Variants in NDUFB6 observed in about 807,000 individuals in gnomAD.
NDUFB6 encodes the protein NADH dehydrogenase [ubiquinone] 1 beta subcomplex subunit 6.
In NDUFB6, 23 loss-of-function variants were observed where a neutral mutation model predicts 17.5. The observed-to-expected ratio is 1.31, with a 90% CI of 0.94 to 1.86. The LOEUF (loss-of-function observed/expected upper bound fraction) is 1.86, where lower values mean the gene tolerates loss of function less well. NDUFB6 is among the 40% of genes most tolerant of loss of function. NDUFB6 has a pLI of 0.00. For synonymous variants in NDUFB6, 60 were observed against 53.5 expected, an observed-to-expected ratio of 1.12 and a Z score of -0.53; for missense variants, 167 against 153.8, an observed-to-expected ratio of 1.09 and a Z score of -0.46.
intron 2 of NDUFB6, among the ~76,000 whole-genome samples, chr9:32,570,272 C>G (rs893389366): frequency 6.6e-6 from 1 of 152,224 alleles, no homozygotes; most frequent in Non-Finnish European, 1.5e-5. Context: ...CTGCAACCCA[C>G]TGAGGATCTA....
intron 3 of NDUFB6, among the ~76,000 whole-genome samples, chr9:32,558,490 G>T (rs902095014): frequency 6.6e-6 from 1 of 152,154 alleles, no homozygotes; most frequent in African/African-American, 2.4e-5. Flanking sequence ...TTGAAAATGA[G>T]GTACAAAGCC....
chr9:32,570,856 C>A (rs1293598827), intron 2 of NDUFB6, 104 bp downstream of exon 2: 8 of 644,458 alleles, frequency 1.2e-5, no homozygotes, highest in Non-Finnish European at 2.0e-5. Flanking sequence ...ACTTCAAAAT[C>A]TGTTTATAAG....
intron 2 of NDUFB6, among the ~76,000 whole-genome samples, chr9:32,562,107 C>T (rs1396118689): frequency 6.6e-6 from 1 of 152,226 alleles, no homozygotes; most frequent in African/African-American, 2.4e-5. Context: ...TTCTAGTCAG[C>T]TCCTCAGTCT....
intron 2 of NDUFB6, among the ~76,000 whole-genome samples, chr9:32,569,689 CTTTTT>C (rs112526069): frequency 2.7e-5 from 2 of 74,628 alleles, no homozygotes; most frequent in Non-Finnish European, 7.0e-5. Context: ...ATTTTTTTTT[CTTTTT>C]TTTTGGAAAC....
In NDUFB6 at chr9:32,569,343, C is replaced by T. The variant is rs1378488097; in HGVS notation, c.273+1617G>A. On this transcript the variant is annotated intron_variant, in intron 2 of 3. Coordinates refer to ENST00000379847, the MANE Select transcript of NDUFB6 (RefSeq NM_002493.5). ...AAGTGATTCTTCTGCCTCAACCTCCCGAATAGCTGGGACTACAGGCGCCCG... is the reference window on the plus strand; with the variant it reads ...AAGTGATTCTTCTGCCTCAACCTCCTGAATAGCTGGGACTACAGGCGCCCG... Among the ~76,000 whole-genome samples the T allele has an allele frequency of 1.3e-5, 2 of 152,082 alleles. 1 individual carries two copies. Among genetic ancestry groups the T allele is most frequent in the Non-Finnish European group, 2.9e-5 (2 of 68,018 alleles).
Position 32,573,100 on chromosome 9 carries a change from T to C in NDUFB6, c.-40A>G. The C allele has an allele frequency of 6.7e-7, 1 of 1,490,802 alleles. No homozygotes were observed. The highest frequency in any genetic ancestry group is 1.3e-5 in the South Asian group (1 of 76,586). 92.3% of individuals were successfully genotyped at this position (1,490,802 alleles called of 1,614,324 possible). A position where few individuals can be genotyped will look rare whatever the true frequency, so the allele number is the denominator to read the frequency against. On this transcript the variant is annotated 5_prime_UTR_variant, in exon 1 of 4. Transcript: ENST00000379847. Reference sequence around the variant, plus strand: ...CAACGCAAAAGGACACGGCGCACCCTCGAACTACGGACTAGTTACTTAAGC... The same window carrying C: ...CAACGCAAAAGGACACGGCGCACCCCCGAACTACGGACTAGTTACTTAAGC...
Position 32,553,352 on chromosome 9 carries a change from C to G in NDUFB6, c.*524G>C, listed in dbSNP as rs140674194. Reference sequence around the variant, plus strand: ...TACAGGAGCCCGCCACCACGCCCGGCTAATTTTTTTGTATTTTTAGTAGGG... The same window carrying G: ...TACAGGAGCCCGCCACCACGCCCGGGTAATTTTTTTGTATTTTTAGTAGGG... On this transcript the variant is annotated 3_prime_UTR_variant, in exon 4 of 4. Transcript: ENST00000379847. 1 of 168,046 alleles carries G rather than the reference C, an allele frequency of 6.0e-6. No individual in the cohort carries two copies. The highest frequency in any genetic ancestry group is 2.4e-5 in the African/African-American group (1 of 41,642). 10.4% of individuals were successfully genotyped at this position (168,046 alleles called of 1,614,324 possible). A position where few individuals can be genotyped will look rare whatever the true frequency, so the allele number is the denominator to read the frequency against.
chr9:32,566,921 A>G, intron 2 of NDUFB6: 1 of 539,470 alleles, frequency 1.9e-6, no homozygotes, highest in South Asian at 1.8e-5. Context: ...TCACTCACAT[A>G]GCCCTGCCAG....
Position 32,553,023 on chromosome 9 carries a change from G to T in NDUFB6, c.*853C>A. On this transcript the variant is annotated 3_prime_UTR_variant, in exon 4 of 4. Coordinates refer to ENST00000379847, the MANE Select transcript of NDUFB6 (RefSeq NM_002493.5). ...ATGCAAAGTTCCCAAGTTTATTTTT[G>T]CATTATCCTTTATAACAAGCACTAG... The T allele has an allele frequency of 1.7e-6, 1 of 583,690 alleles. No homozygotes were observed. The highest frequency in any genetic ancestry group is 2.1e-5 in the South Asian group (1 of 46,556). The allele number at this position is 583,690 out of a possible 1,614,324, so 36.2% of individuals were successfully genotyped here.
chr9:32,562,625 G>C (rs1275525788), intron 2 of NDUFB6, among the ~76,000 whole-genome samples: 1 of 152,138 alleles, frequency 6.6e-6, no homozygotes, highest in Non-Finnish European at 1.5e-5. Context: ...TCACTTTATA[G>C]TAAATTGCTG....
In NDUFB6 at chr9:32,571,010, C is replaced by T. The variant is rs1821923944; in HGVS notation, c.223G>A (p.Val75Ile). ...YKKSIFVFTH[V>I]LVPVWIIHYY... ...TGAATAATCCAGACAGGTACAAGTACATGAGTGAAAACAAAGATACTCTTT... is the reference window on the plus strand; with the variant it reads ...TGAATAATCCAGACAGGTACAAGTATATGAGTGAAAACAAAGATACTCTTT... The change falls in exon 2 of 4, where the codon GTA becomes ATA. Residue 75 changes from valine (V) to isoleucine (I), a missense_variant. By Grantham distance (29) the Val-to-Ile change is conservative. Coordinates refer to ENST00000379847, the MANE Select transcript of NDUFB6 (RefSeq NM_002493.5). The T allele has an allele frequency of 4.4e-6, 7 of 1,606,142 alleles. No individual in the cohort carries two copies. The highest frequency in any genetic ancestry group is 6.0e-6 in the Non-Finnish European group (7 of 1,175,420).
intron 1 of NDUFB6, among the ~76,000 whole-genome samples, chr9:32,572,097 A>G (rs1821951865): frequency 6.6e-6 from 1 of 152,224 alleles, no homozygotes; most frequent in African/African-American, 2.4e-5. Context: ...GAAATGAAGT[A>G]ACACATGTAA....
At chr9:32,568,370 C>T in intron 2 of NDUFB6, 1 of 240,984 alleles carries the variant, frequency 4.1e-6, no homozygotes, top group Non-Finnish European at 8.9e-6. Context: ...TGAGAAGGTG[C>T]TCCTTTTGGA....
chr9:32,561,072 G>A (rs1328548321), intron 2 of NDUFB6, among the ~76,000 whole-genome samples: 1 of 152,098 alleles, frequency 6.6e-6, no homozygotes, highest in Non-Finnish European at 1.5e-5. Context: ...GCCTTTTTAT[G>A]AACATAAACT....
chr9:32,566,508 G>A, intron 2 of NDUFB6: 1 of 773,756 alleles, frequency 1.3e-6, no homozygotes. Context: ...CTTCCGGTGT[G>A]CAGAGACGGC....
intron 3 of NDUFB6, among the ~76,000 whole-genome samples, chr9:32,558,501 A>G (rs1321330604): frequency 1.3e-5 from 2 of 152,234 alleles, no homozygotes; most frequent in African/African-American, 4.8e-5. Flanking sequence ...GTACAAAGCC[A>G]TAGGACATGA....
intron 2 of NDUFB6, among the ~76,000 whole-genome samples, chr9:32,565,180 C>T (rs1821745242): frequency 6.6e-6 from 1 of 151,982 alleles, no homozygotes; most frequent in South Asian, 2.1e-4. Flanking sequence ...GTAATCCCAG[C>T]TACTTGGTAG....
chr9:32,553,949 GA>G lies in NDUFB6; in HGVS notation c.319-6del. On this transcript the variant is annotated splice_region_variant and splice_polypyrimidine_tract_variant and intron_variant, in intron 3 of 3. Coordinates refer to ENST00000379847, the MANE Select transcript of NDUFB6 (RefSeq NM_002493.5). ...AGTCTCCAGAATTGTATCACCCTAGGAAAACAAAGATACAGTTAGTACAAAA... is the reference window on the plus strand; with the variant it reads ...AGTCTCCAGAATTGTATCACCCTAGGAAACAAAGATACAGTTAGTACAAAA... 6.4e-7 allele frequency: 1 copy of G among 1,567,468 alleles called. No homozygotes were observed. The highest frequency in any genetic ancestry group is 1.1e-5 in the South Asian group (1 of 89,282).
intron 3 of NDUFB6, among the ~76,000 whole-genome samples, chr9:32,558,117 A>ATTTTT (rs74178816): frequency 7.4e-6 from 1 of 135,230 alleles, no homozygotes. Flanking sequence ...CATAGTATAC[A>ATTTTT]TTTTTTTTTT....
Sources: allele counts gnomAD v4.1 joint callset (sites outside exome capture counted in the v4.1 genomes callset), GRCh38; gene constraint gnomAD v4.1.1; transcripts MANE v1.5; gene names NCBI Gene and HGNC (gene_info 2026-07-23, HGNC 2026-07-21).